MECOM: variants seen among roughly 807,000 people sequenced by gnomAD.
MECOM encodes the protein MDS1 and EVI1 complex locus.
In MECOM, 13 loss-of-function variants were observed where a neutral mutation model predicts 116.3. The ratio of observed to expected loss-of-function variants is 0.11; its 90% CI spans 0.07 to 0.18. MECOM has a LOEUF of 0.18. MECOM is among the 10% of genes least tolerant of loss of function. MECOM has a pLI of 1.00. For synonymous variants in MECOM, 528 were observed against 535.2 expected, an observed-to-expected ratio of 0.99 and a Z score of 0.19; for missense variants, 1,299 against 1,509.0, an observed-to-expected ratio of 0.86 and a Z score of 2.31.
intron 2 of MECOM, among the ~76,000 whole-genome samples, chr3:169,192,789 TC>T (rs1210201528): frequency 6.6e-6 from 1 of 152,046 alleles, no homozygotes; most frequent in African/African-American, 2.4e-5. Context: ...CATAAAGACC[TC>T]CCCTGAATTA....
chr3:169,596,813 A>G (rs1425755638), intron 1 of MECOM, among the ~76,000 whole-genome samples: 1 of 152,212 alleles, frequency 6.6e-6, no homozygotes, highest in African/African-American at 2.4e-5. Flanking sequence ...CAATATAAAT[A>G]TCTTATAGTT....
chr3:169,094,716 T>C (rs1720941038), intron 13 of MECOM, among the ~76,000 whole-genome samples: 1 of 152,222 alleles, frequency 6.6e-6, no homozygotes, highest in Non-Finnish European at 1.5e-5. Context: ...GCTGCTACTC[T>C]AGAGACTCTG....
chr3:169,296,687 G>T (rs1371340958), intron 2 of MECOM, among the ~76,000 whole-genome samples: 2 of 152,190 alleles, frequency 1.3e-5, no homozygotes, highest in African/African-American at 4.8e-5. Flanking sequence ...AGTAATAAAG[G>T]AGTGAGGAAA....
At chr3:169,094,197 A>C (rs115183233) in intron 13 of MECOM, among the ~76,000 whole-genome samples, 1 of 152,210 alleles carries the variant, frequency 6.6e-6, no homozygotes, top group East Asian at 1.9e-4. Flanking sequence ...TAGGGGAAGA[A>C]AGATTAATAA....
chr3:169,137,412 A>T (rs951125600), intron 3 of MECOM, among the ~76,000 whole-genome samples: 11 of 152,136 alleles, frequency 7.2e-5, no homozygotes, highest in Non-Finnish European at 1.5e-4. Flanking sequence ...GAAGGATCCT[A>T]TTATACATTC....
At chr3:169,435,955 C>A (rs74886741) in intron 1 of MECOM, among the ~76,000 whole-genome samples, 1,825 of 152,230 alleles carry the variant, frequency 0.012, 26 homozygotes, top group East Asian at 0.065. Context: ...GATCATTCTT[C>A]AATGTATCTG....
At chr3:169,659,397 G>A (rs1418096801) in intron 1 of MECOM, among the ~76,000 whole-genome samples, 1 of 144,532 alleles carries the variant, frequency 6.9e-6, no homozygotes, top group Non-Finnish European at 1.5e-5. Flanking sequence ...TGCTGGAGAT[G>A]AGGGAAGAAT....
chr3:169,128,064 T>C lies in MECOM; in HGVS notation c.614-4A>G, dbSNP rs1337526578. On this transcript the variant is annotated splice_region_variant and splice_polypyrimidine_tract_variant and intron_variant, in intron 4 of 16. Coordinates refer to ENST00000651503, the MANE Select transcript of MECOM (RefSeq NM_004991.4). ...TCGCAGCGATATTGCCGTTCTTCTGTGAAAACAATTCAGGTGTTAGGATTG... is the reference window on the plus strand; with the variant it reads ...TCGCAGCGATATTGCCGTTCTTCTGCGAAAACAATTCAGGTGTTAGGATTG... The C allele has an allele frequency of 1.9e-6, 3 of 1,613,714 alleles. No homozygotes were observed. In the African/African-American group the frequency reaches 4.0e-5, roughly 22 times the overall value.
At chr3:169,138,358 A>G (rs1178066604) in intron 3 of MECOM, among the ~76,000 whole-genome samples, 4 of 152,066 alleles carry the variant, frequency 2.6e-5, no homozygotes, top group African/African-American at 9.7e-5. Flanking sequence ...CATCCTAGGT[A>G]TTGTTACATG....
chr3:169,316,145 G>A (rs1719704048), intron 2 of MECOM, among the ~76,000 whole-genome samples: 1 of 152,134 alleles, frequency 6.6e-6, no homozygotes, highest in African/African-American at 2.4e-5. Context: ...CATTTGACAG[G>A]GCCTGGGCTA....
chr3:169,358,528 C>CAAA lies in MECOM; in HGVS notation c.375+22656_375+22658dup, dbSNP rs3980663. On this transcript the variant is annotated intron_variant, in intron 2 of 16. Transcript: ENST00000651503. The stretch of plus-strand genomic sequence containing the variant: ...GAACTGTATGCCTTCTTTAGAGCCA[C>CAAA]AAAAAAAAAAAAAATCACCTTTTCC... Among the ~76,000 whole-genome samples the CAAA allele has an allele frequency of 1.9e-3, 249 of 131,944 alleles. 1 individual carries two copies. The highest frequency in any genetic ancestry group is 6.4e-3 in the African/African-American group (236 of 36,920). The allele number at this position is 131,944 out of a possible 152,430, so 86.6% of individuals were successfully genotyped here.
intron 2 of MECOM, among the ~76,000 whole-genome samples, chr3:169,331,410 G>A (rs1245075177): frequency 2.6e-5 from 4 of 151,936 alleles, no homozygotes; most frequent in Non-Finnish European, 5.9e-5. Context: ...TATATATAAA[G>A]ATACTTGTAA....
rs142291821 is a variant in MECOM, at chr3:169,624,878, G to A, written c.37+38458C>T. Among the ~76,000 whole-genome samples, 799 of 152,148 alleles carry A rather than the reference G, an allele frequency of 5.3e-3. 1 individual carries two copies. Among genetic ancestry groups the A allele is most frequent in the South Asian group, 0.012 (58 of 4,814 alleles). ...TCCCCTTGCTTTACTTTACTAATGCGTGTGTATTTTTACCAGCCCCTCTGG... is the reference window on the plus strand; with the variant it reads ...TCCCCTTGCTTTACTTTACTAATGCATGTGTATTTTTACCAGCCCCTCTGG... On this transcript the variant is annotated intron_variant, in intron 1 of 16. Transcript: ENST00000651503.
chr3:169,582,416 G>A (rs2109547617), intron 1 of MECOM, among the ~76,000 whole-genome samples: 1 of 152,182 alleles, frequency 6.6e-6, no homozygotes, highest in South Asian at 2.1e-4. Flanking sequence ...GGAAAAAGAG[G>A]GAGATGGGGA....
At chr3:169,345,063 C>T (rs569547451) in intron 2 of MECOM, among the ~76,000 whole-genome samples, 1 of 152,108 alleles carries the variant, frequency 6.6e-6, no homozygotes, top group Non-Finnish European at 1.5e-5. Flanking sequence ...ATGCATTTAA[C>T]AGTTAATGTG....
At chr3:169,458,563 C>G (rs1424568497) in intron 1 of MECOM, among the ~76,000 whole-genome samples, 2 of 152,196 alleles carry the variant, frequency 1.3e-5, no homozygotes, top group Admixed American at 6.5e-5. Flanking sequence ...TATTCCGAAC[C>G]ATTTATGCAA....
At chr3:169,507,161 A>C (rs1476974733) in intron 1 of MECOM, among the ~76,000 whole-genome samples, 1 of 152,212 alleles carries the variant, frequency 6.6e-6, no homozygotes, top group Admixed American at 6.5e-5. Context: ...CTTCCTGTAC[A>C]AAATGGTTTA....
chr3:169,268,168 CTT>C (rs1265586097), intron 2 of MECOM, among the ~76,000 whole-genome samples: 1 of 152,128 alleles, frequency 6.6e-6, no homozygotes, highest in Non-Finnish European at 1.5e-5. Flanking sequence ...GATGGAAAAT[CTT>C]TGATAGCTTT....
chr3:169,306,582 G>A (rs964472087), intron 2 of MECOM, among the ~76,000 whole-genome samples: 2 of 152,184 alleles, frequency 1.3e-5, no homozygotes, highest in Non-Finnish European at 2.9e-5. Flanking sequence ...CTCAAAGGCT[G>A]AGGCAGGAGA....
Sources: gnomAD v4.1 joint callset for allele counts (sites outside exome capture counted in the v4.1 genomes callset) on GRCh38, gnomAD v4.1.1 for gene constraint, MANE v1.5 for transcripts, NCBI Gene and HGNC (gene_info 2026-07-23, HGNC 2026-07-21) for gene names.